RBM25: variants seen among roughly 807,000 people sequenced by gnomAD.
RBM25 encodes RNA binding motif protein 25.
A neutral mutation model predicts 120.7 loss-of-function variants in RBM25; 19 were observed. The ratio of observed to expected loss-of-function variants is 0.16; its 90% CI spans 0.11 to 0.23. The LOEUF (loss-of-function observed/expected upper bound fraction) is 0.23, where lower values mean the gene tolerates loss of function less well. Ranked by LOEUF, RBM25 falls within the 10% of genes least tolerant of loss-of-function variation. The pLI, the probability that RBM25 is intolerant of heterozygous loss-of-function variation, is 1.00. For missense variants in RBM25, 605 were observed against 1,041.5 expected (o/e 0.58, Z 5.77); for synonymous variants, 390 against 326.7 (o/e 1.19, Z -2.09).
intron 6 of RBM25, chr14:73,088,418 G>A (rs1238843880): frequency 1.7e-6 from 1 of 586,186 alleles, no homozygotes; most frequent in Admixed American, 2.2e-5. Context: ...ACTTGCCAGA[G>A]AAAGCACTGG....
chr14:73,059,998 T>G (rs1894962343), intron 1 of RBM25, among the ~76,000 whole-genome samples: 1 of 152,162 alleles, frequency 6.6e-6, no homozygotes, highest in Non-Finnish European at 1.5e-5. Context: ...TTCAATGAAA[T>G]GTAAGAGTCC....
chr14:73,113,250 T>C (rs61985155), intron 17 of RBM25, among the ~76,000 whole-genome samples: 11,466 of 151,912 alleles, frequency 0.075, 438 homozygotes, highest in Non-Finnish European at 0.09. Context: ...TACACCAGGC[T>C]AATTTTTTGT....
At chr14:73,104,967 G>A (rs362427) in intron 10 of RBM25, among the ~76,000 whole-genome samples, 3,510 of 150,582 alleles carry the variant, frequency 0.023, 133 homozygotes, top group African/African-American at 0.076. Context: ...GTTGGTATGT[G>A]TAAAATCCAT....
rs765903463 is a variant in RBM25 at position 73,099,654 on chromosome 14, C to T, written c.784-13C>T. 8.8e-6 allele frequency: 14 copies of T among 1,590,860 alleles called. No individual in the cohort carries two copies. The East Asian group carries it at 1.1e-4, about 13-fold the overall frequency. On this transcript the variant is annotated splice_polypyrimidine_tract_variant and intron_variant, in intron 8 of 18. Transcript: ENST00000261973. The stretch of plus-strand genomic sequence containing the variant: ...TTCTTTATTCATTCCCTCCTGTGCC[C>T]GTTTTCTTTTAGGAGGATATAAATG...
Position 73,076,302 on chromosome 14 carries a change from G to A in RBM25, c.107-17G>A. 6.2e-7 allele frequency: 1 copy of A among 1,601,612 alleles called. No individual in the cohort carries two copies. The highest frequency in any genetic ancestry group is 8.6e-7 in the Non-Finnish European group (1 of 1,168,806). ...GAATGCAGTCATGTAAAATCAGTGT[G>A]GTTTTTCTTTTCTTAGGGACCCCAA... On this transcript the variant is annotated splice_polypyrimidine_tract_variant and intron_variant, in intron 2 of 18. Transcript: ENST00000261973.
intron 6 of RBM25, among the ~76,000 whole-genome samples, chr14:73,094,702 T>A (rs900694671): frequency 2.6e-5 from 4 of 151,944 alleles, no homozygotes; most frequent in African/African-American, 9.7e-5. Context: ...ATTTTTGTAT[T>A]TTTTTAGTAG....
rs1402077899 is a variant in RBM25, at chr14:73,097,208, T to C, written c.729+108T>C. ...TCTTTTTTCTTTTCTTTTTTTTTTT[T>C]TTTTTTTTTTGAGATGGAGGCTCAC... On this transcript the variant is annotated intron_variant, in intron 7 of 18. Transcript: ENST00000261973. 20 of 782,806 alleles carry C rather than the reference T, an allele frequency of 2.6e-5. 2 individuals are homozygous for C. The highest frequency in any genetic ancestry group is 2.2e-4 in the African/African-American group (10 of 45,138). The allele number at this position is 782,806 out of a possible 1,614,324, so 48.5% of individuals were successfully genotyped here. A position where few individuals can be genotyped will look rare whatever the true frequency, so the allele number is the denominator to read the frequency against.
intron 3 of RBM25, among the ~76,000 whole-genome samples, chr14:73,077,141 T>C (rs1227782405): frequency 1.3e-5 from 2 of 152,238 alleles, no homozygotes; most frequent in African/African-American, 4.8e-5. Flanking sequence ...TATTTTTGTT[T>C]CTTTTTTAAG....
At chr14:73,110,743 A>G in intron 14 of RBM25, 88 bp from the exon 15 acceptor site, 3 of 1,473,544 alleles carry the variant, frequency 2.0e-6, no homozygotes, top group South Asian at 1.4e-5. Context: ...CTCTTTTCAT[A>G]AAGATATTTT....
rs1429442179 is a variant in RBM25, at chr14:73,112,168, G to A, written c.2309G>A (p.Arg770Gln). 4.4e-6 allele frequency: 7 copies of A among 1,603,026 alleles called. No individual in the cohort carries two copies. Among genetic ancestry groups the A allele is most frequent in the Non-Finnish European group, 5.9e-6 (7 of 1,177,484 alleles). ...SIVDSILMER[R>Q]IRPWINKKII... ...GTTTTGCAGATACTGATGGAACGTC[G>A]AATTAGACCATGGATTAATAAGAAA... The change falls in exon 17 of 19, where the codon CGA (arginine) becomes CAA (glutamine). Residue 770 changes from arginine (R) to glutamine (Q), a missense_variant. Coordinates refer to ENST00000261973, the MANE Select transcript of RBM25 (RefSeq NM_021239.3).
At chr14:73,100,553 C>G in intron 9 of RBM25, 1 of 407,022 alleles carries the variant, frequency 2.5e-6, no homozygotes. Flanking sequence ...TGCTTTTGAA[C>G]GGTGCAATGC....
chr14:73,073,439 G>T (rs992449092), intron 2 of RBM25, among the ~76,000 whole-genome samples: 1 of 152,180 alleles, frequency 6.6e-6, no homozygotes, highest in Non-Finnish European at 1.5e-5. Flanking sequence ...TGTAACCTCA[G>T]AACTTTGGGA....
At chr14:73,114,553 C>T (rs2140465366) in intron 18 of RBM25, among the ~76,000 whole-genome samples, 1 of 152,200 alleles carries the variant, frequency 6.6e-6, no homozygotes, top group Non-Finnish European at 1.5e-5. Flanking sequence ...TTTTAATTAA[C>T]ATCTATATAA....
chr14:73,071,833 CTG>C (rs1895300783), intron 2 of RBM25, 86 bp downstream of exon 2: 1 of 1,098,968 alleles, frequency 9.1e-7, no homozygotes, highest in East Asian at 2.5e-5. Context: ...AGATATGTGA[CTG>C]TGTTAGTGAA....
chr14:73,107,151 G>A (rs536837403), intron 12 of RBM25, among the ~76,000 whole-genome samples: 98 of 152,134 alleles, frequency 6.4e-4, no homozygotes, highest in African/African-American at 2.3e-3. Context: ...ATATTTTTTC[G>A]TTTAATAAGA....
At position 73,097,068 on chromosome 14, in the gene RBM25, C is replaced by T; in HGVS notation, c.697C>T (p.Pro233Ser). Reference sequence around the variant, plus strand: ...CCCCTCACAGGAATCTGATTCTCACCCCAGGAAGAAGAAGAAGGAAAAGAA... The same window carrying T: ...CCCCTCACAGGAATCTGATTCTCACTCCAGGAAGAAGAAGAAGGAAAAGAA... ...NAPSQESDSH[P>S]RKKKKEKKED... The change falls in exon 7 of 19, where the codon CCC becomes TCC. Residue 233 changes from proline (P) to serine (S), a missense_variant. Physicochemically the swap from Pro to Ser is moderately conservative, Grantham distance 74. Around this residue, in one of 4 missense-constraint regions of RBM25, gnomAD observed 465 missense variants for 741.6 expected, o/e 0.63. Transcript: ENST00000261973. 1.2e-6 allele frequency: 2 copies of T among 1,610,732 alleles called. No individual in the cohort carries two copies. The highest frequency in any genetic ancestry group is 1.7e-6 in the Non-Finnish European group (2 of 1,179,264).
intron 18 of RBM25, among the ~76,000 whole-genome samples, chr14:73,118,173 C>A (rs544456631): frequency 2.0e-4 from 30 of 152,208 alleles, no homozygotes; most frequent in African/African-American, 6.7e-4. Context: ...ACAATAAATG[C>A]TAGTTAAGAT....
intron 1 of RBM25, among the ~76,000 whole-genome samples, chr14:73,064,535 C>T (rs1026379767): frequency 4.6e-5 from 7 of 150,932 alleles, no homozygotes; most frequent in African/African-American, 1.2e-4. Context: ...GCTGGGACTA[C>T]GGGCGCCTAC....
intron 6 of RBM25, among the ~76,000 whole-genome samples, chr14:73,089,562 C>T (rs1187834270): frequency 6.6e-6 from 1 of 152,076 alleles, no homozygotes; most frequent in African/African-American, 2.4e-5. Context: ...ATCATGTTGG[C>T]CAGGCTGGTC....
Sources: gnomAD v4.1 joint callset for allele counts (sites outside exome capture counted in the v4.1 genomes callset) on GRCh38, gnomAD v4.1.1 for gene constraint, gnomAD v4.1.1 regional missense constraint, MANE v1.5 for transcripts, NCBI Gene and HGNC (gene_info 2026-07-23, HGNC 2026-07-21) for gene names.